The following KIF26B variants were observed in gnomAD, a reference collection of about 807,000 sequenced individuals.
The protein encoded by KIF26B is kinesin family member 26B, also known as kinesin-like protein KIF26B.
Under a neutral mutation model 151.2 loss-of-function variants are expected in KIF26B, and 63 were observed. That is an observed-to-expected ratio of 0.42 (90% CI 0.34 to 0.51). The LOEUF is 0.51. Ranked by LOEUF, KIF26B falls within the 20% of genes least tolerant of loss-of-function variation. The probability of loss-of-function intolerance (pLI) is 0.07; values close to 1 mark genes in which losing one functional copy is unlikely to be tolerated. For missense variants in KIF26B, 2,813 were observed against 2,913.6 expected (o/e 0.97, Z 0.79); for synonymous variants, 1,357 against 1,262.1 (o/e 1.08, Z -1.59).
At chr1:245,322,391 A>C (rs1671907625) in intron 2 of KIF26B, among the ~76,000 whole-genome samples, 1 of 152,218 alleles carries the variant, frequency 6.6e-6, no homozygotes, top group Admixed American at 6.6e-5. Flanking sequence ...AGTATAATAA[A>C]TAAATAAATA....
intron 9 of KIF26B, among the ~76,000 whole-genome samples, chr1:245,641,537 T>C (rs1467269561): frequency 6.7e-6 from 1 of 149,588 alleles, no homozygotes; most frequent in Non-Finnish European, 1.5e-5. Context: ...CTTTTTTTTC[T>C]CTTCTGACTG....
chr1:245,346,068 G>A (rs1019933352), intron 2 of KIF26B, among the ~76,000 whole-genome samples: 12 of 151,682 alleles, frequency 7.9e-5, no homozygotes, highest in African/African-American at 2.4e-4. Context: ...GAGTAGCCGG[G>A]ATTACAGGCA....
intron 12 of KIF26B, among the ~76,000 whole-genome samples, chr1:245,691,080 G>C (rs764259998): frequency 1.3e-5 from 2 of 152,214 alleles, no homozygotes; most frequent in Non-Finnish European, 2.9e-5. Flanking sequence ...GTCCCACAGT[G>C]CTTTCATGGA....
At chr1:245,305,737 G>A (rs556681189) in intron 2 of KIF26B, among the ~76,000 whole-genome samples, 6 of 152,142 alleles carry the variant, frequency 3.9e-5, no homozygotes, top group African/African-American at 1.2e-4. Context: ...AGGAGATCGA[G>A]ACCATCCTGG....
chr1:245,211,990 G>A (rs2103544196), intron 2 of KIF26B, among the ~76,000 whole-genome samples: 1 of 152,286 alleles, frequency 6.6e-6, no homozygotes, highest in South Asian at 2.1e-4. Context: ...TGGGGCTGGT[G>A]GGAAGTGGTA....
chr1:245,246,926 CACAGACACACACAG>C (rs1226911923), intron 2 of KIF26B, among the ~76,000 whole-genome samples: 449 of 149,552 alleles, frequency 3.0e-3, no homozygotes, highest in African/African-American at 0.01. Context: ...CACACACAGA[CACAGACACACACAG>C]ATACAGACAC....
At chr1:245,691,167 A>G (rs1324577608) in intron 12 of KIF26B, among the ~76,000 whole-genome samples, 1 of 152,006 alleles carries the variant, frequency 6.6e-6, no homozygotes, top group Non-Finnish European at 1.5e-5. Flanking sequence ...TTTTTTCCCC[A>G]AGACTTTTAT....
intron 2 of KIF26B, among the ~76,000 whole-genome samples, chr1:245,210,260 G>A (rs1239687120): frequency 2.6e-5 from 4 of 152,174 alleles, no homozygotes; most frequent in Non-Finnish European, 5.9e-5. Context: ...GCCACCCGCA[G>A]CCTCTGGCCT....
chr1:245,465,214 G>A (rs1226112119), intron 4 of KIF26B, among the ~76,000 whole-genome samples: 3 of 152,080 alleles, frequency 2.0e-5, no homozygotes, highest in East Asian at 1.9e-4. Flanking sequence ...TCCTGACCTC[G>A]TGATCCGCCC....
intron 10 of KIF26B, among the ~76,000 whole-genome samples, chr1:245,672,831 A>T (rs1438036708): frequency 6.6e-6 from 1 of 152,144 alleles, no homozygotes; most frequent in African/African-American, 2.4e-5. Flanking sequence ...GTCACTGAAT[A>T]AGTTGGTTGG....
chr1:245,697,382 C>T (rs145859022), intron 12 of KIF26B, among the ~76,000 whole-genome samples: 26 of 152,286 alleles, frequency 1.7e-4, no homozygotes, highest in Non-Finnish European at 3.2e-4. Context: ...CTCGTCACAA[C>T]GTGTGAAGTG....
chr1:245,243,481 T>TATATATATAC lies in KIF26B; in HGVS notation c.465+86799_465+86800insTATATATACA, dbSNP rs879880728. Among the ~76,000 whole-genome samples the TATATATATAC allele has an allele frequency of 1.3e-4, 19 of 151,762 alleles. No individual in the cohort carries two copies. The South Asian group carries it at 2.5e-3, about 20-fold the overall frequency. The stretch of plus-strand genomic sequence containing the variant: ...ACACACACACACACACATATATATA[T>TATATATATAC]ACACACATACATAAAAGGATCTTTT... On this transcript the variant is annotated intron_variant, in intron 2 of 14. Transcript: ENST00000407071.
chr1:245,187,398 A>G (rs1237441897), intron 2 of KIF26B, among the ~76,000 whole-genome samples: 3 of 152,246 alleles, frequency 2.0e-5, no homozygotes, highest in Admixed American at 6.5e-5. Flanking sequence ...AATGGACACC[A>G]TGTAGTTTAT....
At chr1:245,421,532 C>T (rs1658486904) in intron 4 of KIF26B, among the ~76,000 whole-genome samples, 3 of 152,210 alleles carry the variant, frequency 2.0e-5, no homozygotes, top group Non-Finnish European at 2.9e-5. Flanking sequence ...TGAGTAATTA[C>T]CTGGCCTCGA....
rs1263795723 is a variant in KIF26B, at chr1:245,244,048, C to T, written c.465+87365C>T. On this transcript the variant is annotated intron_variant, in intron 2 of 14. Transcript: ENST00000407071. The surrounding 1 kb of genome is among the most constrained non-coding windows in gnomAD (Gnocchi z 4.2). ...TCCAGCTCCTCACTCAAGCAATCCT[C>T]TTGCCTCGGCCTCTTGTCCTGTTGA... Among the ~76,000 whole-genome samples the T allele has an allele frequency of 1.3e-5, 2 of 152,140 alleles. No individual in the cohort carries two copies. Among genetic ancestry groups the T allele is most frequent in the Non-Finnish European group, 2.9e-5 (2 of 68,034 alleles).
intron 5 of KIF26B, among the ~76,000 whole-genome samples, chr1:245,581,628 A>G (rs2043175478): frequency 6.6e-6 from 1 of 152,212 alleles, no homozygotes; most frequent in Non-Finnish European, 1.5e-5. Flanking sequence ...AGCCTCATTA[A>G]CACATGCTCT....
At chr1:245,229,535 C>T (rs1356744355) in intron 2 of KIF26B, among the ~76,000 whole-genome samples, 3 of 152,140 alleles carry the variant, frequency 2.0e-5, no homozygotes, top group Non-Finnish European at 4.4e-5. Flanking sequence ...CCAGGCTGTC[C>T]GTCAGCAGCT....
chr1:245,435,412 G>T (rs1658893387), intron 4 of KIF26B, among the ~76,000 whole-genome samples: 1 of 152,114 alleles, frequency 6.6e-6, no homozygotes, highest in South Asian at 2.1e-4. Flanking sequence ...AAAAATTAAA[G>T]GTGGCTTTCC....
chr1:245,679,774 T>G lies in KIF26B; in HGVS notation c.2259-4459T>G, dbSNP rs2044408388. On this transcript the variant is annotated intron_variant, in intron 10 of 14. Coordinates refer to ENST00000407071, the MANE Select transcript of KIF26B (RefSeq NM_018012.4). ...GTGAGCCACGGTGCCCAGCATAAAT[T>G]TATTTTCAAAGGCAAGTGTGGTCAG... Among the ~76,000 whole-genome samples the G allele has an allele frequency of 2.6e-5, 4 of 152,232 alleles. 1 individual carries two copies. The South Asian group carries it at 8.3e-4, about 32-fold the overall frequency.
Sources: allele counts gnomAD v4.1 joint callset (sites outside exome capture counted in the v4.1 genomes callset), GRCh38; gene constraint gnomAD v4.1.1; non-coding constraint Gnocchi (gnomAD v3.1); transcripts MANE v1.5; gene names NCBI Gene and HGNC (gene_info 2026-07-23, HGNC 2026-07-21).